The following ZNF415 variants were observed in gnomAD, a reference collection of about 807,000 sequenced individuals.
ZNF415 encodes zinc finger protein 415.
In ZNF415, 5 loss-of-function variants were observed where a neutral mutation model predicts 7.3. The ratio of observed to expected loss-of-function variants is 0.69; its 90% confidence interval spans 0.36 to 1.44. ZNF415 has a LOEUF of 1.44. Among genes scored for constraint, ZNF415 ranks in the 40% most tolerant of loss-of-function variants. The pLI, the probability that ZNF415 is intolerant of heterozygous loss-of-function variation, is 0.04. For synonymous variants in ZNF415, 207 were observed against 226.3 expected (o/e 0.91, Z 0.77); for missense variants, 628 against 664.8 (o/e 0.94, Z 0.61).
chr19:53,115,468 C>G (rs991615262), intron 3 of ZNF415: 4 of 544,020 alleles, frequency 7.4e-6, no homozygotes, highest in Non-Finnish European at 1.3e-5. Flanking sequence ...GCAATGCTGT[C>G]CATCATGATG....
chr19:53,127,468 C>G (rs2089343166), intron 1 of ZNF415, among the ~76,000 whole-genome samples: 1 of 152,200 alleles, frequency 6.6e-6, no homozygotes. Flanking sequence ...AAAGTACCAC[C>G]AAAGCCTACC....
chr19:53,122,807 G>A, intron 1 of ZNF415, 64 bp from the exon 2 acceptor site: 1 of 1,268,752 alleles, frequency 7.9e-7, no homozygotes, highest in Non-Finnish European at 1.1e-6. Flanking sequence ...TGTGTGACAA[G>A]CACACACATA....
At chr19:53,112,642 TA>T (rs35253976) in intron 3 of ZNF415, among the ~76,000 whole-genome samples, 1 of 152,138 alleles carries the variant, frequency 6.6e-6, no homozygotes, top group Non-Finnish European at 1.5e-5. Flanking sequence ...ACCAATATGC[TA>T]AAAAGCAACA....
At chr19:53,124,856 A>G (rs2088770958) in intron 1 of ZNF415, among the ~76,000 whole-genome samples, 1 of 152,154 alleles carries the variant, frequency 6.6e-6, no homozygotes, top group African/African-American at 2.4e-5. Flanking sequence ...AAATAGGAGA[A>G]TGGAAGAGGT....
intron 1 of ZNF415, among the ~76,000 whole-genome samples, chr19:53,126,686 T>C (rs1216057425): frequency 1.6e-5 from 2 of 128,142 alleles, no homozygotes; most frequent in African/African-American, 5.2e-5. Flanking sequence ...AGCGTGTGCA[T>C]AGGATGAGAT....
chr19:53,130,180 G>A (rs986981809), intron 1 of ZNF415, among the ~76,000 whole-genome samples: 2 of 151,906 alleles, frequency 1.3e-5, no homozygotes, highest in African/African-American at 4.8e-5. Flanking sequence ...GCAGCTCACA[G>A]CTTACTATTT....
intron 2 of ZNF415, among the ~76,000 whole-genome samples, chr19:53,119,485 C>T (rs973682361): frequency 1.3e-4 from 19 of 143,112 alleles, no homozygotes; most frequent in Non-Finnish European, 3.1e-5. Context: ...AATAGACAGT[C>T]TAACAATGCA....
rs753872090 is a variant in ZNF415 at position 53,108,847 on chromosome 19, C to A, written c.1198G>T (p.Ala400Ser). The change falls in exon 4 of 4, where the codon GCA (alanine) becomes TCA (serine). Residue 400 changes from alanine (A) to serine (S), a missense_variant. Ala to Ser is a moderately conservative substitution (Grantham distance 99). Coordinates refer to ENST00000243643, the MANE Select transcript of ZNF415 (RefSeq NM_018355.4). Reference sequence around the variant, plus strand: ...CCAGTATGAATTCTCCAATGCCTTGCAAGGCTTGAAGTCTGACTGAAGACT... The same window carrying A: ...CCAGTATGAATTCTCCAATGCCTTGAAAGGCTTGAAGTCTGACTGAAGACT... ...GKVFSQTSSL[A>S]RHWRIHTGEK... The A allele has an allele frequency of 2.5e-6, 4 of 1,614,042 alleles. No individual in the cohort carries two copies. In the South Asian group the frequency reaches 4.4e-5, roughly 18 times the overall value.
Position 53,126,613 on chromosome 19 carries a change from T to C in ZNF415, c.-67-3870A>G, listed in dbSNP as rs2089175687. Among the ~76,000 whole-genome samples the C allele has an allele frequency of 1.5e-5, 2 of 130,374 alleles. 1 individual carries two copies. The highest frequency in any genetic ancestry group is 1.7e-4 in the Admixed American group (2 of 12,084). 85.5% of individuals were successfully genotyped at this position (130,374 alleles called of 152,430 possible). On this transcript the variant is annotated intron_variant, in intron 1 of 3. Transcript: ENST00000243643. ...CAAGCAGACCAACCCCTCCTCTCCC[T>C]CAATCACCCGCCTAGGGAAGCATTA...
intron 3 of ZNF415, among the ~76,000 whole-genome samples, chr19:53,114,671 C>A (rs1314574845): frequency 1.3e-5 from 2 of 152,180 alleles, no homozygotes; most frequent in African/African-American, 4.8e-5. Flanking sequence ...GCCTGAAAGA[C>A]TAAGACGTAC....
chr19:53,131,989 C>G (rs982622433), intron 1 of ZNF415, among the ~76,000 whole-genome samples: 1 of 152,098 alleles, frequency 6.6e-6, no homozygotes, highest in African/African-American at 2.4e-5. Flanking sequence ...TGCTCTCCCC[C>G]ACTCTCTGTC....
rs1053320068 is a variant in ZNF415, at chr19:53,122,558, G to A, written c.15+104C>T. On this transcript the variant is annotated intron_variant, in intron 2 of 3. Coordinates refer to ENST00000243643, the MANE Select transcript of ZNF415 (RefSeq NM_018355.4). Reference sequence around the variant, plus strand: ...CGGGTCAATGTGAGCAAACGCGTCAGGCAGGATGCTTCAGACTCAGAGAAG... The same window carrying A: ...CGGGTCAATGTGAGCAAACGCGTCAAGCAGGATGCTTCAGACTCAGAGAAG... 1.9e-6 allele frequency: 3 copies of A among 1,604,506 alleles called. No homozygotes were observed. The African/African-American group carries it at 4.0e-5, about 21-fold the overall frequency.
In ZNF415 at chr19:53,109,059, G is replaced by A. The variant is rs747725184; in HGVS notation, c.986C>T (p.Thr329Ile). 186 of 1,612,832 alleles carry A rather than the reference G, an allele frequency of 1.2e-4. No individual in the cohort carries two copies. The highest frequency in any genetic ancestry group is 1.6e-4 in the Middle Eastern group (1 of 6,082). The change falls in exon 4 of 4, where the codon ACA (threonine) becomes ATA (isoleucine). Residue 329 changes from threonine to isoleucine, a missense_variant. Thr to Ile is a moderately conservative substitution (Grantham distance 89, BLOSUM62 -1). Transcript: ENST00000243643. The part of the protein sequence containing the change: ...QKTHIGEKPY[T>I]CKECGKAFSV... ...AAAGGCTTTGCCACACTCTTTACAT[G>A]TGTAAGGTTTCTCTCCAATATGAGT...
chr19:53,112,877 G>A (rs994179969), intron 3 of ZNF415, among the ~76,000 whole-genome samples: 3 of 152,040 alleles, frequency 2.0e-5, no homozygotes, highest in African/African-American at 4.8e-5. Context: ...ACATGAGGTC[G>A]AGAATTCAAG....
chr19:53,126,388 C>T (rs372761987), intron 1 of ZNF415, among the ~76,000 whole-genome samples: 507 of 147,482 alleles, frequency 3.4e-3, no homozygotes, highest in Middle Eastern at 0.031. Flanking sequence ...GTCTCTGTGC[C>T]CAGGCCCCTC....
chr19:53,118,828 A>G (rs191943906), intron 2 of ZNF415, among the ~76,000 whole-genome samples: 85 of 152,320 alleles, frequency 5.6e-4, no homozygotes, highest in South Asian at 2.1e-3. Context: ...ATAGTAATAA[A>G]CACCTACTTG....
chr19:53,123,256 C>T (rs1009272341), intron 1 of ZNF415, among the ~76,000 whole-genome samples: 2 of 152,116 alleles, frequency 1.3e-5, no homozygotes, highest in Admixed American at 6.5e-5. Flanking sequence ...GGTAGCTCTA[C>T]TCACATGTGG....
At chr19:53,124,393 C>A (rs1330037630) in intron 1 of ZNF415, 2 of 147,406 alleles carry the variant, frequency 1.4e-5, no homozygotes, top group African/African-American at 2.5e-5. Context: ...AGAGAGGAGA[C>A]GAGAGAGAGA....
chr19:53,116,613 CTTT>C (rs55841712), intron 2 of ZNF415, among the ~76,000 whole-genome samples, 180 bp from the exon 3 acceptor site: 1 of 43,492 alleles, frequency 2.3e-5, no homozygotes, highest in Non-Finnish European at 5.2e-5. Flanking sequence ...TTTTTTCTCT[CTTT>C]TTTTTTTTTT....
Sources: gnomAD v4.1 joint callset for allele counts (sites outside exome capture counted in the v4.1 genomes callset) on GRCh38, gnomAD v4.1.1 for gene constraint, MANE v1.5 for transcripts, NCBI Gene and HGNC (gene_info 2026-07-23, HGNC 2026-07-21) for gene names.